The following RAB40C variants were observed in gnomAD, a reference collection of about 807,000 sequenced individuals.
RAB40C encodes ras-related protein Rab-40C.
Under a neutral mutation model 28.1 loss-of-function variants are expected in RAB40C, and 8 were observed. That is an observed-to-expected ratio of 0.28 (90% CI 0.17 to 0.51). RAB40C has a LOEUF of 0.51. Ranked by LOEUF, RAB40C falls within the 20% of genes least tolerant of loss-of-function variation. The pLI is 0.97. For missense variants in RAB40C, 288 were observed against 405.9 expected (o/e 0.71, Z 2.50); for synonymous variants, 201 against 171.7 (o/e 1.17, Z -1.34).
chr16:598,856 G>A (rs74000835), intron 1 of RAB40C, among the ~76,000 whole-genome samples: 2,204 of 152,356 alleles, frequency 0.014, 52 homozygotes, highest in African/African-American at 0.049. Context: ...TGTCAACCCT[G>A]AGTGAAGGTG....
Position 629,245 on chromosome 16 carries a change from A to G in RAB40C, c.*1623A>G. The G allele has an allele frequency of 3.4e-6, 1 of 291,796 alleles. No individual in the cohort carries two copies. The highest frequency in any genetic ancestry group is 7.0e-6 in the Non-Finnish European group (1 of 142,982). The allele number at this position is 291,796 out of a possible 1,614,324, so 18.1% of individuals were successfully genotyped here. On this transcript the variant is annotated 3_prime_UTR_variant, in exon 6 of 6. Coordinates refer to ENST00000248139, the MANE Select transcript of RAB40C (RefSeq NM_021168.5). ...GTTCTCTCCGAACCGTTCTTTGTAC[A>G]GTAAATGTAATTCAGCTGTGGTCCC...
chr16:626,274 C>T (rs906173021), intron 5 of RAB40C, among the ~76,000 whole-genome samples, 153 bp downstream of exon 5: 1 of 152,176 alleles, frequency 6.6e-6, no homozygotes, highest in Non-Finnish European at 1.5e-5. Context: ...AGGTCAGTGA[C>T]TTGGTAAGAG....
chr16:600,423 C>T (rs780831489), intron 1 of RAB40C, among the ~76,000 whole-genome samples: 23 of 150,496 alleles, frequency 1.5e-4, no homozygotes, highest in Non-Finnish European at 2.7e-4. Context: ...ACCTAACCTG[C>T]CGAGTTTAAA....
intron 1 of RAB40C, among the ~76,000 whole-genome samples, chr16:594,920 A>C (rs1457329327): frequency 2.0e-5 from 3 of 151,066 alleles, no homozygotes; most frequent in Non-Finnish European, 4.4e-5. Flanking sequence ...TCTGGGTTCA[A>C]GTGATTCTCC....
chr16:622,903 A>G lies in RAB40C; in HGVS notation c.265-2529A>G, dbSNP rs575280423. ...CTCTGCCCCTTGAGACACGCAGCTG[A>G]GGGTGCTTAGGGTGCCGTTCGTTAG... is the stretch of plus-strand genomic sequence containing the variant. On this transcript the variant is annotated intron_variant, in intron 3 of 5. Coordinates refer to ENST00000248139, the MANE Select transcript of RAB40C (RefSeq NM_021168.5). 2.6e-5 allele frequency among the ~76,000 whole-genome samples: 4 copies of G among 152,164 alleles called. No homozygotes were observed. In the South Asian group the frequency reaches 6.2e-4, roughly 24 times the overall value.
chr16:602,248 G>GTTT, intron 1 of RAB40C, among the ~76,000 whole-genome samples: 1 of 139,222 alleles, frequency 7.2e-6, no homozygotes, highest in South Asian at 2.3e-4. Context: ...GGTCATCTCT[G>GTTT]TTTTTTTTTT....
At chr16:624,430 T>C in intron 3 of RAB40C, 1 of 985,458 alleles carries the variant, frequency 1.0e-6, no homozygotes, top group African/African-American at 1.7e-5. Flanking sequence ...CAGCGAGAGG[T>C]GTCCTTCCTG....
Position 625,426 on chromosome 16 carries a change from T to C in RAB40C, c.265-6T>C, listed in dbSNP as rs1399190296. On this transcript the variant is annotated splice_polypyrimidine_tract_variant and splice_region_variant and intron_variant, in intron 3 of 5. Transcript: ENST00000248139. ...ACCCCTGATGACCCCCAAGTCTCTG[T>C]TGCAGGGGATCCTCTTGGTGTATGA... is the stretch of plus-strand genomic sequence containing the variant. 2 of 1,612,902 alleles carry C rather than the reference T, an allele frequency of 1.2e-6. No homozygotes were observed. The highest frequency in any genetic ancestry group is 8.5e-7 in the Non-Finnish European group (1 of 1,179,648).
intron 1 of RAB40C, among the ~76,000 whole-genome samples, chr16:596,984 C>G (rs1305808808): frequency 6.6e-6 from 1 of 152,154 alleles, no homozygotes; most frequent in Non-Finnish European, 1.5e-5. Flanking sequence ...GTTTGTCCTT[C>G]AGAAATTAGC....
chr16:599,695 C>G (rs74000837), intron 1 of RAB40C, among the ~76,000 whole-genome samples: 1 of 99,170 alleles, frequency 1.0e-5, no homozygotes, highest in African/African-American at 4.5e-5. Context: ...AGCGTGGATT[C>G]GCAAGGTTTT....
intron 2 of RAB40C, among the ~76,000 whole-genome samples, chr16:617,648 G>A (rs1312482789): frequency 6.6e-6 from 1 of 152,104 alleles, no homozygotes; most frequent in Admixed American, 6.6e-5. Context: ...TCCAAGACAA[G>A]CCTGGCCAAC....
intron 2 of RAB40C, among the ~76,000 whole-genome samples, chr16:617,844 A>G (rs937288071): frequency 6.6e-6 from 1 of 151,618 alleles, no homozygotes; most frequent in African/African-American, 2.4e-5. Flanking sequence ...CTCCGTCTCA[A>G]AAAAGAAAAA....
intron 1 of RAB40C, among the ~76,000 whole-genome samples, chr16:598,576 A>G (rs915535103): frequency 1.5e-4 from 22 of 149,436 alleles, no homozygotes; most frequent in East Asian, 1.2e-3. Flanking sequence ...AAAAAAAAAA[A>G]AAAAGAAAAA....
At chr16:599,213 A>C (rs1825218148) in intron 1 of RAB40C, among the ~76,000 whole-genome samples, 1 of 152,244 alleles carries the variant, frequency 6.6e-6, no homozygotes, top group African/African-American at 2.4e-5. Context: ...GCCCCGGCCG[A>C]AGCTGCCACT....
At position 627,354 on chromosome 16, in the gene RAB40C, A is replaced by G. The variant is rs1040445841; in HGVS notation, c.578A>G (p.Gln193Arg). Residue 193 changes from glutamine to arginine, a missense_variant, in exon 6 of 6, where the codon CAG becomes CGG. Coordinates refer to ENST00000248139, the MANE Select transcript of RAB40C (RefSeq NM_021168.5). ...CTCTGCCCCACAGTGTTCAGCCTGC[A>G]GGACCTCTGCTGCCGGGCCATCGTC... ...IWRPNRVFSL[Q>R]DLCCRAIVSC... 1.9e-6 allele frequency: 3 copies of G among 1,612,910 alleles called. No individual in the cohort carries two copies. Among genetic ancestry groups the G allele is most frequent in the African/African-American group, 1.3e-5 (1 of 74,918 alleles).
chr16:624,924 G>A lies in RAB40C; in HGVS notation c.265-508G>A, dbSNP rs761117112. Reference sequence around the variant, plus strand: ...CTAAGGGATGTGGCAAAAAGTCCCCGTGGCAAAACCTGCTCTGCCTGGCTG... The same window carrying A: ...CTAAGGGATGTGGCAAAAAGTCCCCATGGCAAAACCTGCTCTGCCTGGCTG... On this transcript the variant is annotated intron_variant, in intron 3 of 5. Coordinates refer to ENST00000248139, the MANE Select transcript of RAB40C (RefSeq NM_021168.5). 2.0e-5 allele frequency: 26 copies of A among 1,286,344 alleles called. 2 individuals are homozygous for A. Among genetic ancestry groups the A allele is most frequent in the South Asian group, 9.9e-5 (8 of 80,768 alleles). The allele number at this position is 1,286,344 out of a possible 1,614,324, so 79.7% of individuals were successfully genotyped here.
chr16:616,688 A>C (rs1349637619), intron 1 of RAB40C: 2 of 153,948 alleles, frequency 1.3e-5, no homozygotes, highest in Non-Finnish European at 2.9e-5. Flanking sequence ...CAACCTTGGC[A>C]GTTCCTGGGC....
chr16:609,802 T>A (rs2036443941), intron 1 of RAB40C, among the ~76,000 whole-genome samples: 1 of 152,046 alleles, frequency 6.6e-6, no homozygotes, highest in South Asian at 2.1e-4. Flanking sequence ...AAAAAACAAC[T>A]GGGCAGTCCC....
intron 1 of RAB40C, among the ~76,000 whole-genome samples, chr16:601,053 C>T (rs961891278): frequency 5.9e-5 from 9 of 152,200 alleles, no homozygotes; most frequent in East Asian, 1.9e-4. Context: ...AGAGCCACCT[C>T]CTGGTCATTA....
Sources: gnomAD v4.1 joint callset for allele counts (sites outside exome capture counted in the v4.1 genomes callset) on GRCh38, gnomAD v4.1.1 for gene constraint, MANE v1.5 for transcripts, NCBI Gene and HGNC (gene_info 2026-07-23, HGNC 2026-07-21) for gene names.